ADGB: variants seen among roughly 807,000 people sequenced by gnomAD.
ADGB encodes androglobin, also known as calpain-7-like protein.
Under a neutral mutation model 210.5 loss-of-function variants are expected in ADGB, and 172 were observed. The ratio of observed to expected loss-of-function variants is 0.82; its 90% confidence interval spans 0.72 to 0.93. The LOEUF is 0.93. Ranked by LOEUF, ADGB falls within the 40% of genes least tolerant of loss-of-function variation. The probability of loss-of-function intolerance (pLI) is 0.00; values close to 1 mark genes in which losing one functional copy is unlikely to be tolerated. For missense variants in ADGB, 2,025 were observed against 1,964.8 expected (o/e 1.03, Z -0.58); for synonymous variants, 658 against 662.7 (o/e 0.99, Z 0.11).
Position 146,716,880 on chromosome 6 carries a change from T to C in ADGB, c.1742-3T>C, listed in dbSNP as rs1315302360. On this transcript the variant is annotated splice_region_variant and splice_polypyrimidine_tract_variant and intron_variant, in intron 14 of 35. Transcript: ENST00000397944. Reference sequence around the variant, plus strand: ...AGATGTGTTTGACATGTGTGTCTTCTAGGCACAGATGAACAAACAGACTTT... The same window carrying C: ...AGATGTGTTTGACATGTGTGTCTTCCAGGCACAGATGAACAAACAGACTTT... The C allele has an allele frequency of 6.5e-7, 1 of 1,545,362 alleles. No individual in the cohort carries two copies. The highest frequency in any genetic ancestry group is 2.0e-5 in the Admixed American group (1 of 50,190).
At chr6:146,797,505 G>GTA (rs559089074) in intron 33 of ADGB, among the ~76,000 whole-genome samples, 2,439 of 151,196 alleles carry the variant, frequency 0.016, 33 homozygotes, top group Non-Finnish European at 0.024. Flanking sequence ...AGAAAATGTG[G>GTA]TATATATATA....
intron 34 of ADGB, 136 bp downstream of exon 34, chr6:146,801,415 C>T (rs1778130040): frequency 4.3e-6 from 2 of 464,070 alleles, no homozygotes; most frequent in Non-Finnish European, 3.7e-6. Flanking sequence ...AAATTTCTAT[C>T]ACACCTGCTA....
chr6:146,698,375 A>G (rs575487196), intron 12 of ADGB, among the ~76,000 whole-genome samples: 1 of 152,330 alleles, frequency 6.6e-6, no homozygotes, highest in African/African-American at 2.4e-5. Flanking sequence ...ATATAAGCTG[A>G]TAAGAGAAAA....
intron 13 of ADGB, among the ~76,000 whole-genome samples, chr6:146,710,173 A>T (rs971535240): frequency 6.6e-6 from 1 of 151,136 alleles, no homozygotes; most frequent in Non-Finnish European, 1.5e-5. Context: ...TATGATTGAG[A>T]TTTCTATATC....
Position 146,803,079 on chromosome 6 carries a change from T to C in ADGB, c.4818+1068T>C, listed in dbSNP as rs1302128687. 4 of 1,543,960 alleles carry C rather than the reference T, an allele frequency of 2.6e-6. No homozygotes were observed. The African/African-American group carries it at 4.1e-5, about 16-fold the overall frequency. ...GTCTACACAGCAGCCAAGTGAGATA[T>C]ATTGTTTTTCTTCCTGTAAACAATT... is the stretch of plus-strand genomic sequence containing the variant. On this transcript the variant is annotated intron_variant, in intron 35 of 35. Transcript: ENST00000397944.
chr6:146,712,450 G>A (rs1013128275), intron 13 of ADGB, among the ~76,000 whole-genome samples: 1 of 151,954 alleles, frequency 6.6e-6, no homozygotes, highest in Non-Finnish European at 1.5e-5. Flanking sequence ...GCCTCCCAAA[G>A]TGCTGAGATT....
intron 35 of ADGB, chr6:146,802,407 T>G (rs1038810713): frequency 5.8e-6 from 1 of 172,608 alleles, no homozygotes; most frequent in Non-Finnish European, 1.2e-5. Context: ...AAGTTAATGA[T>G]GATTGGTCTT....
chr6:146,710,102 T>C (rs1036886653), intron 13 of ADGB, among the ~76,000 whole-genome samples: 2 of 151,130 alleles, frequency 1.3e-5, no homozygotes, highest in East Asian at 1.9e-4. Flanking sequence ...AAGCCAGATA[T>C]AGAAATCTCA....
intron 3 of ADGB, among the ~76,000 whole-genome samples, chr6:146,651,689 C>T (rs994674769): frequency 2.6e-5 from 4 of 152,202 alleles, no homozygotes; most frequent in Admixed American, 2.6e-4. Context: ...TCCACTTAAG[C>T]AGGAGAATTC....
chr6:146,767,686 G>A (rs1777597243), intron 28 of ADGB, among the ~76,000 whole-genome samples: 4 of 147,898 alleles, frequency 2.7e-5, no homozygotes, highest in Admixed American at 2.7e-4. Flanking sequence ...TGTTGGCCAG[G>A]CTGGTCTCAA....
Position 146,801,869 on chromosome 6 carries a change from A to C in ADGB, c.4676A>C (p.Asn1559Thr). 2 of 1,550,506 alleles carry C rather than the reference A, an allele frequency of 1.3e-6. No individual in the cohort carries two copies. ...TDPLLQTDEL[N>T]QQQAMQKAEE... ...CCTCTGCTGCAAACAGATGAATTGA[A>C]TCAGCAGCAGGCAATGCAAAAGGCG... Residue 1559 changes from asparagine (N) to threonine (T), a missense_variant, in exon 35 of 36, where the codon AAT becomes ACT. Physicochemically the swap from Asn to Thr is moderately conservative, Grantham distance 65 (BLOSUM62 0). Transcript: ENST00000397944.
chr6:146,729,689 C>T (rs1011725767), intron 20 of ADGB, among the ~76,000 whole-genome samples: 2 of 152,214 alleles, frequency 1.3e-5, no homozygotes, highest in Non-Finnish European at 2.9e-5. Flanking sequence ...AGCAATCCTC[C>T]TGGCTTAGCC....
intron 1 of ADGB, among the ~76,000 whole-genome samples, chr6:146,619,241 A>C (rs1168007038): frequency 6.6e-6 from 1 of 151,938 alleles, no homozygotes; most frequent in Non-Finnish European, 1.5e-5. Context: ...CCATCTCTAC[A>C]CTTTCAGTAT....
chr6:146,706,209 T>C (rs1395548535), intron 13 of ADGB, among the ~76,000 whole-genome samples: 2 of 151,914 alleles, frequency 1.3e-5, no homozygotes, highest in Admixed American at 6.6e-5. Context: ...GGCATAAGCA[T>C]TGCACCTGGC....
intron 19 of ADGB, 30 bp from the exon 20 acceptor site, chr6:146,728,544 G>A (rs1207257565): frequency 1.3e-6 from 2 of 1,542,718 alleles, no homozygotes; most frequent in East Asian, 4.9e-5. Context: ...AAGGATGAGT[G>A]AGGATGGCTG....
chr6:146,720,633 T>C (rs184089637), intron 16 of ADGB, among the ~76,000 whole-genome samples: 275 of 152,192 alleles, frequency 1.8e-3, no homozygotes, highest in Middle Eastern at 0.01. Context: ...CCACAGGCTG[T>C]ACAGAAAGCA....
intron 29 of ADGB, among the ~76,000 whole-genome samples, chr6:146,781,370 T>C (rs1777797647): frequency 6.8e-6 from 1 of 147,712 alleles, no homozygotes; most frequent in Admixed American, 6.8e-5. Context: ...AAAAAAGAAA[T>C]TGGAGAATTT....
chr6:146,758,352 C>G (rs886417697), intron 27 of ADGB, among the ~76,000 whole-genome samples: 1 of 151,990 alleles, frequency 6.6e-6, no homozygotes, highest in Non-Finnish European at 1.5e-5. Context: ...TTGTGCAGCT[C>G]TCCTGTGCTA....
Position 146,644,789 on chromosome 6 carries a change from C to T in ADGB, c.254C>T (p.Pro85Leu). ...KSPVFHFFEDPEGKIELPPSL... is the reference protein window; with the variant it reads ...KSPVFHFFEDLEGKIELPPSL... ...TTTATATAGCATTTTTTTGAGGACC[C>T]TGAAGGAAAGATTGAGTTACCACCA... Residue 85 changes from proline (P) to leucine (L), a missense_variant, in exon 3 of 36, where the codon CCT becomes CTT. Physicochemically the swap from Pro to Leu is moderately conservative, Grantham distance 98. Coordinates refer to ENST00000397944, the MANE Select transcript of ADGB (RefSeq NM_024694.4). 1 of 1,476,100 alleles carries T rather than the reference C, an allele frequency of 6.8e-7. No homozygotes were observed. Among genetic ancestry groups the T allele is most frequent in the Non-Finnish European group, 9.0e-7 (1 of 1,112,122 alleles). The allele number at this position is 1,476,100 out of a possible 1,614,324, so 91.4% of individuals were successfully genotyped here. A position where few individuals can be genotyped will look rare whatever the true frequency, so the allele number is the denominator to read the frequency against.
Sources: gnomAD v4.1 joint callset for allele counts (sites outside exome capture counted in the v4.1 genomes callset) on GRCh38, gnomAD v4.1.1 for gene constraint, MANE v1.5 for transcripts, NCBI Gene and HGNC (gene_info 2026-07-23, HGNC 2026-07-21) for gene names.